Variants in METTL15 observed in about 807,000 individuals in gnomAD.
METTL15 encodes the protein methyltransferase 15, mitochondrial 12S rRNA N4-cytidine.
Under a neutral mutation model 38.3 loss-of-function variants are expected in METTL15, and 34 were observed. The observed-to-expected ratio is 0.89, with a 90% CI of 0.68 to 1.18. METTL15 has a LOEUF of 1.18. Ranked by LOEUF, METTL15 falls within the 50% of genes most tolerant of loss-of-function variation. The pLI, the probability that METTL15 is intolerant of heterozygous loss-of-function variation, is 0.00. For missense variants in METTL15, 438 were observed against 498.4 expected (o/e 0.88, Z 1.15); for synonymous variants, 162 against 170.9 (o/e 0.95, Z 0.41).
intron 6 of METTL15, among the ~76,000 whole-genome samples, chr11:28,461,005 A>T (rs1851209235): frequency 6.6e-6 from 1 of 151,984 alleles, no homozygotes; most frequent in African/African-American, 2.4e-5. Context: ...GGGATTTAGA[A>T]TTCATTTCAT....
chr11:28,236,420 A>G (rs565373715), intron 4 of METTL15, among the ~76,000 whole-genome samples: 19 of 152,164 alleles, frequency 1.2e-4, no homozygotes, highest in African/African-American at 3.9e-4. Context: ...GAATTCGGCT[A>G]TGAATCCATC....
chr11:28,167,856 A>G (rs777506223), intron 3 of METTL15, among the ~76,000 whole-genome samples: 7 of 152,036 alleles, frequency 4.6e-5, no homozygotes, highest in East Asian at 1.9e-4. Flanking sequence ...TTTATCCAAC[A>G]TAAGTTAACT....
At chr11:28,372,070 C>A (rs544378035) in intron 5 of METTL15, among the ~76,000 whole-genome samples, 138 of 151,906 alleles carry the variant, frequency 9.1e-4, no homozygotes, top group Non-Finnish European at 1.8e-3. Flanking sequence ...TATTCTGGAT[C>A]TCAGTGGAAA....
At chr11:28,398,921 C>T (rs1850602290) in intron 5 of METTL15, 1 of 151,968 alleles carries the variant, frequency 6.6e-6, no homozygotes, top group Non-Finnish European at 1.5e-5. Flanking sequence ...CTACCATTGA[C>T]TTTCTTCACA....
chr11:28,518,742 T>C (rs1407121079), intron 6 of METTL15, among the ~76,000 whole-genome samples: 2 of 152,196 alleles, frequency 1.3e-5, no homozygotes, highest in African/African-American at 4.8e-5. Context: ...AATCCTAAGT[T>C]AGAGGCAACC....
intron 5 of METTL15, among the ~76,000 whole-genome samples, chr11:28,409,401 A>G (rs907475606): frequency 3.6e-4 from 54 of 151,472 alleles, no homozygotes; most frequent in African/African-American, 1.3e-3. Flanking sequence ...AAAAAAAAAA[A>G]AAAAGGAATA....
intron 4 of METTL15, chr11:28,261,374 T>C (rs1855194433): frequency 6.5e-6 from 1 of 152,788 alleles, no homozygotes; most frequent in African/African-American, 2.4e-5. Flanking sequence ...AAAATTGTCG[T>C]CTTTGACTAA....
At position 28,308,482 on chromosome 11, in the gene METTL15, T is replaced by C. The variant is rs909554452; in HGVS notation, c.778+11551T>C. 2.0e-5 allele frequency among the ~76,000 whole-genome samples: 3 copies of C among 152,142 alleles called. No individual in the cohort carries two copies. The East Asian group carries it at 5.8e-4, about 29-fold the overall frequency. On this transcript the variant is annotated intron_variant, in intron 6 of 6. Coordinates refer to ENST00000407364, the MANE Select transcript of METTL15 (RefSeq NM_001113528.2). ...CTAATCTGCTGTGTAACCCATTTGTTAATTTTTTTAATTGACACAGTTCCA... is the reference window on the plus strand; with the variant it reads ...CTAATCTGCTGTGTAACCCATTTGTCAATTTTTTTAATTGACACAGTTCCA...
At chr11:28,122,554 T>TTA (rs774887877) in intron 3 of METTL15, among the ~76,000 whole-genome samples, 8 of 151,368 alleles carry the variant, frequency 5.3e-5, no homozygotes, top group Non-Finnish European at 1.2e-4. Context: ...AATATTGTTT[T>TTA]TATATATATA....
chr11:28,199,110 G>T (rs1852012977), intron 3 of METTL15, among the ~76,000 whole-genome samples: 1 of 151,912 alleles, frequency 6.6e-6, no homozygotes, highest in Non-Finnish European at 1.5e-5. Context: ...GACCTTGTTT[G>T]GAGGCGCAAT....
At chr11:28,229,058 A>G (rs947570274) in intron 4 of METTL15, among the ~76,000 whole-genome samples, 1 of 151,954 alleles carries the variant, frequency 6.6e-6, no homozygotes, top group African/African-American at 2.4e-5. Context: ...TTATACCTTT[A>G]AAATGAGGTA....
chr11:28,234,059 G>GT (rs1344297585), intron 4 of METTL15, among the ~76,000 whole-genome samples: 3 of 151,070 alleles, frequency 2.0e-5, no homozygotes, highest in Non-Finnish European at 4.4e-5. Context: ...ATGGTGTTTG[G>GT]TTTTTTGTCC....
chr11:28,360,298 C>T (rs910142956), intron 4 of METTL15, among the ~76,000 whole-genome samples: 2 of 152,218 alleles, frequency 1.3e-5, no homozygotes, highest in Non-Finnish European at 1.5e-5. Context: ...CCTCACCTCT[C>T]ATCCCACTCC....
At chr11:28,285,099 T>C (rs1856201120) in intron 4 of METTL15, among the ~76,000 whole-genome samples, 1 of 152,134 alleles carries the variant, frequency 6.6e-6, no homozygotes, top group Non-Finnish European at 1.5e-5. Flanking sequence ...CCTCCCGCCC[T>C]GTGAAGAAGG....
chr11:28,453,989 AC>A (rs1309588244), intron 6 of METTL15, among the ~76,000 whole-genome samples: 2 of 152,210 alleles, frequency 1.3e-5, no homozygotes, highest in African/African-American at 2.4e-5. Context: ...GAATACCTAG[AC>A]TTTTCTTCGT....
chr11:28,239,374 T>C (rs1227329633), intron 4 of METTL15, among the ~76,000 whole-genome samples: 3 of 152,238 alleles, frequency 2.0e-5, no homozygotes, highest in Non-Finnish European at 4.4e-5. Flanking sequence ...GATATGGCAG[T>C]ACAATTCTGT....
At chr11:28,474,561 G>A (rs1357590804) in intron 6 of METTL15, among the ~76,000 whole-genome samples, 1 of 152,172 alleles carries the variant, frequency 6.6e-6, no homozygotes, top group African/African-American at 2.4e-5. Flanking sequence ...CAGCCTGACA[G>A]TCTTAAAGTG....
chr11:28,289,998 A>G (rs937306629), intron 4 of METTL15, among the ~76,000 whole-genome samples: 17 of 152,192 alleles, frequency 1.1e-4, no homozygotes, highest in Non-Finnish European at 2.5e-4. Flanking sequence ...TATCAGCAGT[A>G]ATAAAATTAC....
chr11:28,431,909 A>G (rs1564929941), intron 6 of METTL15, among the ~76,000 whole-genome samples: 1 of 152,114 alleles, frequency 6.6e-6, no homozygotes, highest in Non-Finnish European at 1.5e-5. Context: ...GAGGCAGACT[A>G]ACAGCTAATT....
Sources: gnomAD v4.1 joint callset for allele counts (sites outside exome capture counted in the v4.1 genomes callset) on GRCh38, gnomAD v4.1.1 for gene constraint, MANE v1.5 for transcripts, NCBI Gene and HGNC (gene_info 2026-07-23, HGNC 2026-07-21) for gene names.